The following ADCY3 variants were observed in gnomAD, a reference collection of about 807,000 sequenced individuals.
ADCY3 encodes the protein adenylate cyclase 3.
In ADCY3, 70 loss-of-function variants were observed where a neutral mutation model predicts 119.4. The observed-to-expected ratio is 0.59, with a 90% CI of 0.48 to 0.72. ADCY3 has a LOEUF of 0.72. Among genes scored for constraint, ADCY3 ranks in the 30% least tolerant of loss-of-function variants. ADCY3 has a pLI of 0.00. For synonymous variants in ADCY3, 672 were observed against 621.4 expected, an observed-to-expected ratio of 1.08 and a Z score of -1.21; for missense variants, 1,238 against 1,541.6, an observed-to-expected ratio of 0.80 and a Z score of 3.30.
chr2:24,822,504 T>G lies in ADCY3; in HGVS notation c.3003+7A>C, dbSNP rs920023886. 2.5e-6 allele frequency: 4 copies of G among 1,613,182 alleles called. No homozygotes were observed. In the African/African-American group the frequency reaches 4.0e-5, roughly 16 times the overall value. On this transcript the variant is annotated splice_region_variant and intron_variant, in intron 19 of 21. Coordinates refer to ENST00000679454, the MANE Select transcript of ADCY3 (RefSeq NM_004036.5). ...GCCTCATCTCTCTGGCTACTGGGGT[T>G]AGCTACCTTGTTGGAGCTGGCAAAG...
intron 19 of ADCY3, chr2:24,822,255 T>C (rs1200842383): frequency 5.2e-6 from 2 of 387,496 alleles, no homozygotes; most frequent in Non-Finnish European, 9.3e-6. Context: ...CACAGAGCCT[T>C]AGGGGGCCTG....
At chr2:24,856,756 G>A (rs1289123147) in intron 3 of ADCY3, among the ~76,000 whole-genome samples, 2 of 152,346 alleles carry the variant, frequency 1.3e-5, no homozygotes, top group East Asian at 3.9e-4. Flanking sequence ...GGTCATCTAT[G>A]CATGTCCCTG....
In ADCY3 at chr2:24,838,609, A is replaced by T. The variant is rs762648332; in HGVS notation, c.1369T>A (p.Ser457Thr). The stretch of plus-strand genomic sequence containing the variant: ...TTCAGGCAGTCCATGGTGCTCTGGG[A>T]GATGTGCACGCGCCTGGATTGCAGA... Reference protein sequence around the residue: ...AGGIPGRVHISQSTMDCLKGE... With the variant: ...AGGIPGRVHITQSTMDCLKGE... The change falls in exon 8 of 22, where the codon TCC (serine) becomes ACC (threonine). Residue 457 changes from serine (S) to threonine (T), a missense_variant. Ser to Thr is a moderately conservative substitution (Grantham distance 58, BLOSUM62 1). Around this residue, in one of 7 missense-constraint regions of ADCY3, gnomAD observed 283 missense variants for 437.2 expected, o/e 0.65. Coordinates refer to ENST00000679454, the MANE Select transcript of ADCY3 (RefSeq NM_004036.5). The T allele has an allele frequency of 1.2e-6, 2 of 1,613,768 alleles. No individual in the cohort carries two copies. Among genetic ancestry groups the T allele is most frequent in the Non-Finnish European group, 1.7e-6 (2 of 1,180,046 alleles).
intron 2 of ADCY3, among the ~76,000 whole-genome samples, chr2:24,917,147 G>T (rs761859727): frequency 6.6e-6 from 1 of 152,208 alleles, no homozygotes; most frequent in Non-Finnish European, 1.5e-5. Context: ...CCCTGGGCCT[G>T]CACATAGCAC....
In ADCY3 at chr2:24,842,222, G is replaced by C. The variant is rs1309732403; in HGVS notation, c.956+32C>G. 3 of 1,612,884 alleles carry C rather than the reference G, an allele frequency of 1.9e-6. No homozygotes were observed. In the Admixed American group the frequency reaches 5.0e-5, roughly 27 times the overall value. ...GATGCAGCCCTCCACAGCCTGCTCT[G>C]CCATCAGAGCCCGCGCCCCGGGCCG... is the stretch of plus-strand genomic sequence containing the variant. On this transcript the variant is annotated intron_variant, in intron 4 of 21. Coordinates refer to ENST00000679454, the MANE Select transcript of ADCY3 (RefSeq NM_004036.5). This position sits in a 1 kb window ranked among gnomAD's most constrained non-coding sequence, Gnocchi z 4.9.
chr2:24,882,371 A>G (rs1676502947), intron 2 of ADCY3, among the ~76,000 whole-genome samples: 1 of 152,198 alleles, frequency 6.6e-6, no homozygotes, highest in South Asian at 2.1e-4. Flanking sequence ...GGCAGAAATC[A>G]CACTTGGCCC....
Position 24,918,289 on chromosome 2 carries a change from G to T in ADCY3, c.675+24C>A, listed in dbSNP as rs1365718706. On this transcript the variant is annotated intron_variant, in intron 2 of 21. Transcript: ENST00000679454. This position sits in a 1 kb window ranked among gnomAD's most constrained non-coding sequence, Gnocchi z 5.4. ...TGAGAGCTGCAGGAGAGGACGCTGT[G>T]GGGGGACAGTGGGCAGGACTCACCT... The T allele has an allele frequency of 1.3e-5, 20 of 1,529,656 alleles. No homozygotes were observed. The highest frequency in any genetic ancestry group is 2.1e-5 in the Admixed American group (1 of 47,708). The allele number at this position is 1,529,656 out of a possible 1,614,324, so 94.8% of individuals were successfully genotyped here.
intron 6 of ADCY3, chr2:24,840,499 C>T (rs996559184): frequency 4.5e-6 from 2 of 449,248 alleles, no homozygotes; most frequent in African/African-American, 4.1e-5. Flanking sequence ...GCTTTCTTTC[C>T]AGGGCAATAC....
At chr2:24,865,013 CA>C (rs1458174133) in intron 3 of ADCY3, among the ~76,000 whole-genome samples, 1 of 152,116 alleles carries the variant, frequency 6.6e-6, no homozygotes, top group Admixed American at 6.5e-5. Flanking sequence ...ATATTTATTA[CA>C]GCAATGTTTA....
chr2:24,872,862 G>A lies in ADCY3; in HGVS notation c.676-143C>T, dbSNP rs976277096. The A allele has an allele frequency of 1.1e-4, 101 of 953,706 alleles. No individual in the cohort carries two copies. Among genetic ancestry groups the A allele is most frequent in the Non-Finnish European group, 2.2e-5 (14 of 643,582 alleles). 59.1% of individuals were successfully genotyped at this position (953,706 alleles called of 1,614,324 possible). A position where few individuals can be genotyped will look rare whatever the true frequency, so the allele number is the denominator to read the frequency against. ...TGCCCAATGTCCAGGGAGGGGCCCA[G>A]CACAGCCTTGGACCCCAGAGCCTCA... On this transcript the variant is annotated intron_variant, in intron 2 of 21. Transcript: ENST00000679454. This position sits in a 1 kb window ranked among gnomAD's most constrained non-coding sequence, Gnocchi z 4.4.
At chr2:24,879,402 G>A (rs954329821) in intron 2 of ADCY3, among the ~76,000 whole-genome samples, 1 of 142,684 alleles carries the variant, frequency 7.0e-6, no homozygotes, top group Admixed American at 7.2e-5. Flanking sequence ...GCAGTGAGCC[G>A]AGATTGCGCC....
At position 24,827,595 on chromosome 2, in the gene ADCY3, C is replaced by T. The variant is rs775511537; in HGVS notation, c.2446G>A (p.Ala816Thr). The T allele has an allele frequency of 1.3e-6, 2 of 1,587,628 alleles. No individual in the cohort carries two copies. Among genetic ancestry groups the T allele is most frequent in the Admixed American group, 3.5e-5 (2 of 57,844 alleles). Residue 816 changes from alanine to threonine, a missense_variant, in exon 15 of 22, where the codon GCC becomes ACC. Ala to Thr is a moderately conservative substitution (Grantham distance 58). Coordinates refer to ENST00000679454, the MANE Select transcript of ADCY3 (RefSeq NM_004036.5). ...TTGAATCCTTGCATCTGCTCTAAGG[C>T]CACCATAGGTAAGCTGTTGGACAGA... ...RFREHDLPMV[A>T]LEQMQGFNPG...
At chr2:24,876,045 T>C (rs1675660939) in intron 2 of ADCY3, among the ~76,000 whole-genome samples, 2 of 152,066 alleles carry the variant, frequency 1.3e-5, no homozygotes, top group Non-Finnish European at 2.9e-5. Context: ...CAGGCTGCAC[T>C]GCAGTGGCAC....
chr2:24,831,520 G>A (rs903401199), intron 12 of ADCY3, 142 bp downstream of exon 12: 16 of 693,454 alleles, frequency 2.3e-5, no homozygotes, highest in Non-Finnish European at 3.8e-5. Flanking sequence ...ATGAATGGAT[G>A]GGCAAGTGCC....
At chr2:24,863,248 T>C (rs949597182) in intron 3 of ADCY3, among the ~76,000 whole-genome samples, 1 of 152,124 alleles carries the variant, frequency 6.6e-6, no homozygotes, top group African/African-American at 2.4e-5. Context: ...ACCCTAAATC[T>C]GGGTGGGCAC....
intron 2 of ADCY3, among the ~76,000 whole-genome samples, chr2:24,888,371 T>A (rs1426376337): frequency 3.3e-5 from 5 of 152,172 alleles, no homozygotes; most frequent in Non-Finnish European, 7.3e-5. Flanking sequence ...CCTTTCCACG[T>A]CTCATTATCG....
intron 2 of ADCY3, among the ~76,000 whole-genome samples, chr2:24,881,847 G>A (rs546027044): frequency 6.6e-6 from 1 of 152,294 alleles, no homozygotes; most frequent in East Asian, 1.9e-4. Flanking sequence ...ACGACTAGGA[G>A]AGCGGGTGCT....
intron 3 of ADCY3, among the ~76,000 whole-genome samples, chr2:24,843,059 G>A (rs190649331): frequency 1.6e-4 from 24 of 152,324 alleles, no homozygotes; most frequent in Middle Eastern, 3.4e-3. Context: ...AAGACGCGAC[G>A]CTGAGGGCAC....
intron 2 of ADCY3, among the ~76,000 whole-genome samples, chr2:24,903,756 C>T (rs895728905): frequency 3.9e-5 from 6 of 152,112 alleles, no homozygotes; most frequent in African/African-American, 9.7e-5. Context: ...CAGCACGGCT[C>T]GCCAGCTGAA....
Sources: gnomAD v4.1 joint callset for allele counts (sites outside exome capture counted in the v4.1 genomes callset) on GRCh38, gnomAD v4.1.1 for gene constraint, gnomAD v4.1.1 regional missense constraint, Gnocchi (gnomAD v3.1) non-coding constraint, MANE v1.5 for transcripts, NCBI Gene and HGNC (gene_info 2026-07-23, HGNC 2026-07-21) for gene names.